SUMF1: variants seen among roughly 807,000 people sequenced by gnomAD.
SUMF1 encodes the protein formylglycine-generating enzyme.
A neutral mutation model predicts 47.6 loss-of-function variants in SUMF1; 48 were observed. The ratio of observed to expected loss-of-function variants is 1.01; its 90% confidence interval spans 0.80 to 1.28. The LOEUF is 1.28. SUMF1 is among the 50% of genes most tolerant of loss of function. The probability of loss-of-function intolerance (pLI) is 0.00; values close to 1 mark genes in which losing one functional copy is unlikely to be tolerated. For missense variants in SUMF1, 571 were observed against 485.4 expected, an observed-to-expected ratio of 1.18 and a Z score of -1.66; for synonymous variants, 230 against 192.1, an observed-to-expected ratio of 1.20 and a Z score of -1.63.
At chr3:4,376,196 T>G in intron 8 of SUMF1, 134 bp downstream of exon 8, 1 of 1,090,674 alleles carries the variant, frequency 9.2e-7, no homozygotes, top group Non-Finnish European at 1.4e-6. Flanking sequence ...ACTGTCCTCC[T>G]TTTTTTCTGG....
intron 8 of SUMF1, among the ~76,000 whole-genome samples, chr3:4,368,051 C>T (rs1285847302): frequency 6.6e-6 from 1 of 151,932 alleles, no homozygotes. Context: ...GAACAGGCAA[C>T]CTACAAAATG....
intron 8 of SUMF1, among the ~76,000 whole-genome samples, chr3:4,328,482 G>A (rs1431487141): frequency 6.6e-6 from 1 of 152,144 alleles, no homozygotes; most frequent in Non-Finnish European, 1.5e-5. Flanking sequence ...CAAAGGAGGA[G>A]CATGCACATC....
intron 8 of SUMF1, among the ~76,000 whole-genome samples, chr3:4,141,596 G>A (rs1025480336): frequency 1.3e-5 from 2 of 152,098 alleles, no homozygotes; most frequent in African/African-American, 2.4e-5. Context: ...CCAGGAGTTC[G>A]AGACTACAGT....
Position 4,244,633 on chromosome 3 carries a change from T to C in SUMF1, c.1014+131697A>G, listed in dbSNP as rs114728726. On this transcript the variant is annotated intron_variant and NMD_transcript_variant, in intron 8 of 12. Transcript: ENST00000448413. The stretch of plus-strand genomic sequence containing the variant: ...TTTCTGCAGAGAGATTTGCTGTTCG[T>C]CTGATGGGCTTCCCTTTGTGTGTAA... Among the ~76,000 whole-genome samples the C allele has an allele frequency of 6.9e-3, 1,057 of 152,362 alleles. 12 individuals are homozygous for C. The highest frequency in any genetic ancestry group is 0.024 in the African/African-American group (1,000 of 41,592).
intron 4 of SUMF1, 140 bp from the exon 5 acceptor site, chr3:4,418,272 C>G: frequency 1.6e-6 from 2 of 1,283,652 alleles, no homozygotes; most frequent in Non-Finnish European, 2.2e-6. Flanking sequence ...CAAACCCCAG[C>G]CATGCTACAT....
intron 8 of SUMF1, among the ~76,000 whole-genome samples, chr3:4,110,775 T>C (rs1416154804): frequency 7.2e-6 from 1 of 138,020 alleles, no homozygotes; most frequent in Non-Finnish European, 1.5e-5. Context: ...TTCTCACTCA[T>C]AGGTGGGAAT....
chr3:4,146,572 C>T (rs936840901), intron 8 of SUMF1, among the ~76,000 whole-genome samples: 14 of 151,768 alleles, frequency 9.2e-5, no homozygotes, highest in African/African-American at 3.1e-4. Flanking sequence ...TTCTAGGGTA[C>T]ATGTGCACAA....
chr3:4,107,339 G>C (rs1053767806), intron 8 of SUMF1, among the ~76,000 whole-genome samples: 2 of 152,194 alleles, frequency 1.3e-5, no homozygotes, highest in East Asian at 3.9e-4. Flanking sequence ...AATAACTAAT[G>C]TTTTGCAGTA....
intron 3 of SUMF1, among the ~76,000 whole-genome samples, chr3:4,423,196 T>G (rs374768540): frequency 6.6e-6 from 1 of 151,724 alleles, no homozygotes; most frequent in South Asian, 2.1e-4. Flanking sequence ...ACACACATGT[T>G]TATAGCAGCA....
chr3:4,217,429 G>A (rs1052620276), intron 8 of SUMF1, among the ~76,000 whole-genome samples: 7 of 140,514 alleles, frequency 5.0e-5, no homozygotes, highest in African/African-American at 1.9e-4. Flanking sequence ...CAGGTTGATG[G>A]GTGCAGCAAA....
chr3:4,442,367 T>TGCCTCAGCCTCTCCC (rs1559302478), intron 3 of SUMF1, among the ~76,000 whole-genome samples: 1 of 151,422 alleles, frequency 6.6e-6, no homozygotes, highest in African/African-American at 2.4e-5. Flanking sequence ...GCCATTCTCC[T>TGCCTCAGCCTCTCCC]GCCTCAGCCT....
chr3:4,220,963 T>C (rs1026027935), intron 8 of SUMF1, among the ~76,000 whole-genome samples: 7 of 152,118 alleles, frequency 4.6e-5, no homozygotes, highest in Non-Finnish European at 7.4e-5. Context: ...GCTACAGCAG[T>C]GGAACTATAA....
chr3:4,099,408 C>T (rs2125060105), intron 8 of SUMF1, among the ~76,000 whole-genome samples: 1 of 152,140 alleles, frequency 6.6e-6, no homozygotes, highest in East Asian at 1.9e-4. Flanking sequence ...CAAAAGTCAG[C>T]ATATTTTTAT....
chr3:4,399,974 C>T (rs1434251065), intron 7 of SUMF1, among the ~76,000 whole-genome samples: 1 of 152,048 alleles, frequency 6.6e-6, no homozygotes, highest in East Asian at 1.9e-4. Context: ...AGCCAGGCTA[C>T]GTGATCCGCC....
Position 4,159,472 on chromosome 3 carries a change from C to T in SUMF1, c.1015-90727G>A, listed in dbSNP as rs944330805. Among the ~76,000 whole-genome samples, 8 of 150,884 alleles carry T rather than the reference C, an allele frequency of 5.3e-5. No homozygotes were observed. The East Asian group carries it at 1.4e-3, about 26-fold the overall frequency. On this transcript the variant is annotated intron_variant and NMD_transcript_variant, in intron 8 of 12. Transcript: ENST00000448413. ...AACTTCATTTTGCCCAGTTTTAAAC[C>T]TTTTGTTTTTTCTATTTATATCTTA...
chr3:4,152,595 G>C (rs73118411), intron 8 of SUMF1, among the ~76,000 whole-genome samples: 1,595 of 151,456 alleles, frequency 0.011, 89 homozygotes, highest in African/African-American at 0.037. Flanking sequence ...GCCTGGCCCA[G>C]TGTGGTTTCT....
exon 9 of SUMF1, chr3:4,068,744 G>T: frequency 2.6e-6 from 1 of 381,400 alleles, no homozygotes; most frequent in Non-Finnish European, 5.2e-6. Context: ...GTACTCTTGG[G>T]ACTAAAACAA....
intron 8 of SUMF1, among the ~76,000 whole-genome samples, chr3:4,170,364 A>G (rs1009048452): frequency 2.0e-5 from 3 of 152,160 alleles, no homozygotes; most frequent in Non-Finnish European, 4.4e-5. Context: ...TTTTCTGACT[A>G]AAAATATCTG....
At chr3:4,363,858 G>A (rs1699856294) in intron 8 of SUMF1, among the ~76,000 whole-genome samples, 2 of 136,434 alleles carry the variant, frequency 1.5e-5, no homozygotes, top group Admixed American at 7.8e-5. Context: ...TTGGCTGTGG[G>A]TCTGTCATAG....
Sources: allele counts gnomAD v4.1 joint callset (sites outside exome capture counted in the v4.1 genomes callset), GRCh38; gene constraint gnomAD v4.1.1; transcripts MANE v1.5; gene names NCBI Gene and HGNC (gene_info 2026-07-23, HGNC 2026-07-21).